The following SLC12A1 variants were observed in gnomAD, a reference collection of about 807,000 sequenced individuals.
The protein encoded by SLC12A1 is Na-K-2Cl cotransporter.
In SLC12A1, 89 loss-of-function variants were observed where a neutral mutation model predicts 130.4. The observed-to-expected ratio is 0.68, with a 90% CI of 0.58 to 0.81. SLC12A1 has a LOEUF of 0.81. SLC12A1 is among the 40% of genes least tolerant of loss of function. The probability of loss-of-function intolerance (pLI) is 0.00; values close to 1 mark genes in which losing one functional copy is unlikely to be tolerated. For missense variants in SLC12A1, 1,310 were observed against 1,336.4 expected, an observed-to-expected ratio of 0.98 and a Z score of 0.31; for synonymous variants, 499 against 460.0, an observed-to-expected ratio of 1.08 and a Z score of -1.09.
intron 17 of SLC12A1, among the ~76,000 whole-genome samples, chr15:48,260,661 G>A (rs1191328743): frequency 6.6e-6 from 1 of 152,146 alleles, no homozygotes; most frequent in African/African-American, 2.4e-5. Context: ...GTCACGCCTT[G>A]AGGAGAAAGC....
intron 20 of SLC12A1, among the ~76,000 whole-genome samples, chr15:48,283,891 T>G (rs1234558271): frequency 6.7e-6 from 1 of 149,412 alleles, no homozygotes; most frequent in Non-Finnish European, 1.5e-5. Flanking sequence ...AGAAGCCTCC[T>G]AAGTGTAGCA....
At chr15:48,282,947 A>G (rs2042023018) in intron 20 of SLC12A1, among the ~76,000 whole-genome samples, 1 of 152,196 alleles carries the variant, frequency 6.6e-6, no homozygotes, top group African/African-American at 2.4e-5. Context: ...CAGGCAACTC[A>G]CTTAACCTAT....
chr15:48,221,861 T>C (rs569285973), intron 4 of SLC12A1, among the ~76,000 whole-genome samples: 1 of 152,228 alleles, frequency 6.6e-6, no homozygotes, highest in Non-Finnish European at 1.5e-5. Context: ...TGCTTTCAGA[T>C]AGCACTCCAG....
intron 17 of SLC12A1, among the ~76,000 whole-genome samples, chr15:48,261,609 T>G (rs181303623): frequency 6.6e-6 from 1 of 152,294 alleles, no homozygotes; most frequent in African/African-American, 2.4e-5. Flanking sequence ...CTAGGCTCAG[T>G]CGTCAATCAT....
At chr15:48,232,595 T>C in intron 7 of SLC12A1, 132 bp from the exon 8 acceptor site, 1 of 691,444 alleles carries the variant, frequency 1.4e-6, no homozygotes. Flanking sequence ...ATGTATTACC[T>C]ACTCTGGGTA....
intron 16 of SLC12A1, among the ~76,000 whole-genome samples, chr15:48,257,601 C>T (rs986337072): frequency 1.3e-5 from 2 of 152,208 alleles, no homozygotes; most frequent in Non-Finnish European, 2.9e-5. Context: ...AGGCTTGGGA[C>T]TTTCACCTTC....
chr15:48,248,812 C>T (rs12438598), intron 13 of SLC12A1, among the ~76,000 whole-genome samples: 1 of 152,040 alleles, frequency 6.6e-6, no homozygotes, highest in Non-Finnish European at 1.5e-5. Flanking sequence ...GGGAGGCTGA[C>T]GTGGGCAGAT....
intron 1 of SLC12A1, among the ~76,000 whole-genome samples, chr15:48,207,184 T>C (rs1221176179): frequency 6.6e-6 from 1 of 152,202 alleles, no homozygotes; most frequent in Middle Eastern, 3.2e-3. Context: ...GTCAGTGAAC[T>C]GTGTCTTAGG....
At chr15:48,249,186 G>A (rs536111406) in intron 13 of SLC12A1, among the ~76,000 whole-genome samples, 3 of 152,198 alleles carry the variant, frequency 2.0e-5, no homozygotes, top group East Asian at 1.9e-4. Flanking sequence ...GGGAGTTTTC[G>A]GTGCACTGCT....
At chr15:48,215,012 A>G (rs1026966338) in intron 2 of SLC12A1, among the ~76,000 whole-genome samples, 8 of 152,044 alleles carry the variant, frequency 5.3e-5, no homozygotes, top group Non-Finnish European at 1.2e-4. Context: ...AGAATGTATA[A>G]GTAGCAAATA....
At chr15:48,258,689 C>T (rs1324770965) in intron 16 of SLC12A1, among the ~76,000 whole-genome samples, 2 of 152,176 alleles carry the variant, frequency 1.3e-5, no homozygotes, top group African/African-American at 4.8e-5. Flanking sequence ...CAGCACCCCA[C>T]TCTACCAGTA....
chr15:48,296,480 A>C (rs1209725356), intron 24 of SLC12A1, among the ~76,000 whole-genome samples: 1 of 152,182 alleles, frequency 6.6e-6, no homozygotes, highest in African/African-American at 2.4e-5. Context: ...AAAGACAACA[A>C]TCTTTATGTG....
chr15:48,288,933 T>C (rs374371444), intron 23 of SLC12A1, among the ~76,000 whole-genome samples: 1 of 152,140 alleles, frequency 6.6e-6, no homozygotes, highest in African/African-American at 2.4e-5. Flanking sequence ...GAACAGCATA[T>C]GTAAAAGAGA....
intron 2 of SLC12A1, among the ~76,000 whole-genome samples, chr15:48,216,063 T>C (rs948322614): frequency 1.3e-5 from 2 of 152,210 alleles, no homozygotes; most frequent in African/African-American, 4.8e-5. Flanking sequence ...TGGGGTTTTT[T>C]TCCCCTCTAT....
intron 21 of SLC12A1, among the ~76,000 whole-genome samples, chr15:48,286,452 T>C (rs905709447): frequency 1.3e-5 from 2 of 152,204 alleles, no homozygotes; most frequent in African/African-American, 4.8e-5. Flanking sequence ...TTCTTTTCTT[T>C]CTAATTATTT....
Position 48,207,707 on chromosome 15 carries a change from T to A in SLC12A1, c.-13T>A. On this transcript the variant is annotated 5_prime_UTR_variant, in exon 2 of 27. Coordinates refer to ENST00000380993, the MANE Select transcript of SLC12A1 (RefSeq NM_000338.3). ...ACAAAGTAGATAGCTCAGTAAAAAA[T>A]CAATTTTGGAAGATGTCACTGAACA... 6.5e-7 allele frequency: 1 copy of A among 1,535,912 alleles called. No individual in the cohort carries two copies. Among genetic ancestry groups the A allele is most frequent in the Non-Finnish European group, 8.7e-7 (1 of 1,145,506 alleles).
At position 48,234,938 on chromosome 15, in the gene SLC12A1, C is replaced by T. The variant is rs368339306; in HGVS notation, c.1149C>T (p.Val383=). The part of the protein sequence containing the change: ...RFTKGEGFFS[V]FAIFFPAATG... Reference sequence around the variant, plus strand: ...CAAAGGGTGAAGGCTTCTTCTCTGTCTTTGCCATTTTTTTCCCAGCAGCTA... The same window carrying T: ...CAAAGGGTGAAGGCTTCTTCTCTGTTTTTGCCATTTTTTTCCCAGCAGCTA... Residue 383 remains valine, a synonymous_variant, in exon 9 of 27, where the codon GTC becomes GTT. Coordinates refer to ENST00000380993, the MANE Select transcript of SLC12A1 (RefSeq NM_000338.3). 81 of 1,613,682 alleles carry T rather than the reference C, an allele frequency of 5.0e-5. No individual in the cohort carries two copies. The highest frequency in any genetic ancestry group is 6.6e-5 in the Non-Finnish European group (78 of 1,179,760).
chr15:48,302,464 C>CA (rs1256085554), intron 26 of SLC12A1, among the ~76,000 whole-genome samples: 28 of 149,722 alleles, frequency 1.9e-4, no homozygotes, highest in Admixed American at 1.3e-3. Context: ...ACTAAAAATA[C>CA]AAAAAATTAG....
At position 48,256,831 on chromosome 15, in the gene SLC12A1, C is replaced by CG. The variant is rs1555384128; in HGVS notation, c.2042+921_2042+922insG. 3.7e-4 allele frequency among the ~76,000 whole-genome samples: 55 copies of CG among 148,084 alleles called. 2 individuals carry two copies. In the East Asian group the frequency reaches 4.2e-3, roughly 11 times the overall value. On this transcript the variant is annotated intron_variant, in intron 16 of 26. Coordinates refer to ENST00000380993, the MANE Select transcript of SLC12A1 (RefSeq NM_000338.3). ...TATCATTCCATCCCTGGCCCCCCCC[C>CG]CCAAATTTCTTGTCCTCACATTTCA... is the stretch of plus-strand genomic sequence containing the variant.
Sources: allele counts gnomAD v4.1 joint callset (sites outside exome capture counted in the v4.1 genomes callset), GRCh38; gene constraint gnomAD v4.1.1; transcripts MANE v1.5; gene names NCBI Gene and HGNC (gene_info 2026-07-23, HGNC 2026-07-21).